DNAH7: variants seen among roughly 807,000 people sequenced by gnomAD.
DNAH7 encodes the protein dynein axonemal heavy chain 7.
DNAH7 carries 397 observed loss-of-function variants against 444.6 expected under a neutral mutation model. The ratio of observed to expected loss-of-function variants is 0.89; its 90% CI spans 0.82 to 0.97. The LOEUF (loss-of-function observed/expected upper bound fraction) is 0.97. Ranked by LOEUF, DNAH7 falls within the 50% of genes least tolerant of loss-of-function variation. The pLI is 0.00. For missense variants in DNAH7, 4,902 were observed against 4,800.8 expected (o/e 1.02, Z -0.62); for synonymous variants, 1,636 against 1,624.4 (o/e 1.01, Z -0.17).
At chr2:196,057,456 A>G (rs1241478044) in intron 2 of DNAH7, among the ~76,000 whole-genome samples, 3 of 152,242 alleles carry the variant, frequency 2.0e-5, no homozygotes, top group African/African-American at 7.2e-5. Context: ...CTTATAAACT[A>G]GAAACAAGAT....
At chr2:195,968,864 T>C (rs1369893693) in intron 17 of DNAH7, among the ~76,000 whole-genome samples, 1 of 152,184 alleles carries the variant, frequency 6.6e-6, no homozygotes, top group Non-Finnish European at 1.5e-5. Flanking sequence ...TGTGGGTAGG[T>C]GCCAGCTGAG....
At chr2:195,938,344 TCACA>T (rs68056425) in intron 19 of DNAH7, among the ~76,000 whole-genome samples, 6,631 of 134,134 alleles carry the variant, frequency 0.049, 174 homozygotes, top group African/African-American at 0.062. Context: ...AAATAGACAT[TCACA>T]CACACACACA....
intron 2 of DNAH7, among the ~76,000 whole-genome samples, chr2:196,053,318 G>A (rs1226140043): frequency 6.6e-6 from 1 of 152,240 alleles, no homozygotes; most frequent in Non-Finnish European, 1.5e-5. Context: ...AGCCACTGCA[G>A]TCTCCTTTTA....
At chr2:195,904,288 A>G (rs897872845) in intron 27 of DNAH7, 4 of 152,324 alleles carry the variant, frequency 2.6e-5, no homozygotes, top group African/African-American at 9.7e-5. Context: ...TGAACTGTAC[A>G]TATGTTTAGC....
At chr2:195,994,512 T>C in intron 12 of DNAH7, 1 of 489,368 alleles carries the variant, frequency 2.0e-6, no homozygotes, top group Non-Finnish European at 4.0e-6. Flanking sequence ...ATCCAAGTCG[T>C]TGGAATTGGG....
At chr2:195,872,167 G>C (rs879446815) in intron 40 of DNAH7, 83 bp downstream of exon 40, 4 of 1,109,246 alleles carry the variant, frequency 3.6e-6, no homozygotes, top group Non-Finnish European at 5.3e-6. Context: ...AATATAAATT[G>C]AAGAATATTC....
chr2:196,065,431 G>A (rs1040613438), intron 1 of DNAH7, among the ~76,000 whole-genome samples: 4 of 152,202 alleles, frequency 2.6e-5, no homozygotes, highest in African/African-American at 7.2e-5. Context: ...GAACTATGAA[G>A]ATTGCATCCA....
intron 19 of DNAH7, among the ~76,000 whole-genome samples, chr2:195,956,686 A>C (rs1482069337): frequency 2.0e-5 from 3 of 152,084 alleles, no homozygotes; most frequent in African/African-American, 7.2e-5. Context: ...TGAACAAAAA[A>C]CGTACTTTTT....
At chr2:195,964,968 T>C (rs2125547701) in intron 17 of DNAH7, among the ~76,000 whole-genome samples, 1 of 152,304 alleles carries the variant, frequency 6.6e-6, no homozygotes, top group South Asian at 2.1e-4. Flanking sequence ...CTTCTCTCAT[T>C]GGACTGCTGT....
At chr2:196,024,228 G>A (rs1695543963) in intron 8 of DNAH7, among the ~76,000 whole-genome samples, 1 of 152,042 alleles carries the variant, frequency 6.6e-6, no homozygotes, top group Admixed American at 6.6e-5. Flanking sequence ...ACCTCCTACT[G>A]GCAAACAACA....
At chr2:195,907,089 T>C in intron 25 of DNAH7, 80 bp from the exon 26 acceptor site, 2 of 1,089,130 alleles carry the variant, frequency 1.8e-6, no homozygotes, top group Admixed American at 2.4e-5. Context: ...CACCTGATCT[T>C]TTCAAGGATT....
intron 2 of DNAH7, among the ~76,000 whole-genome samples, chr2:196,054,429 G>C (rs1381492063): frequency 6.6e-6 from 1 of 152,096 alleles, no homozygotes; most frequent in Non-Finnish European, 1.5e-5. Flanking sequence ...GGCTGAGGAG[G>C]GAGGATTGCT....
At chr2:195,805,647 T>C (rs527570175) in intron 54 of DNAH7, among the ~76,000 whole-genome samples, 1 of 152,250 alleles carries the variant, frequency 6.6e-6, no homozygotes, top group South Asian at 2.1e-4. Context: ...AAAAATTATA[T>C]TTTACCATTG....
intron 51 of DNAH7, among the ~76,000 whole-genome samples, chr2:195,816,301 G>C (rs1442377408): frequency 6.6e-6 from 1 of 152,110 alleles, no homozygotes; most frequent in Non-Finnish European, 1.5e-5. Context: ...TCGTACAGGA[G>C]TCATATTTTA....
At chr2:195,984,832 G>T in intron 14 of DNAH7, 122 bp from the exon 15 acceptor site, 1 of 875,696 alleles carries the variant, frequency 1.1e-6, no homozygotes, top group Non-Finnish European at 1.7e-6. Flanking sequence ...TTAGCTATAT[G>T]ACATCTAATA....
intron 44 of DNAH7, among the ~76,000 whole-genome samples, chr2:195,856,200 T>G (rs1377809450): frequency 2.0e-5 from 3 of 152,158 alleles, no homozygotes; most frequent in South Asian, 2.1e-4. Context: ...AAAATAGACA[T>G]CAAATATACA....
At chr2:196,060,169 G>T (rs1698057555) in intron 1 of DNAH7, among the ~76,000 whole-genome samples, 1 of 152,142 alleles carries the variant, frequency 6.6e-6, no homozygotes. Flanking sequence ...AGTGAGCCAA[G>T]ATTGAGCCAC....
At chr2:195,927,220 G>A (rs533923943) in intron 21 of DNAH7, among the ~76,000 whole-genome samples, 31 of 152,224 alleles carry the variant, frequency 2.0e-4, no homozygotes, top group South Asian at 6.2e-4. Flanking sequence ...ACCAGCCATC[G>A]GTGGGAAACA....
At position 196,052,666 on chromosome 2, in the gene DNAH7, G is replaced by A. The variant is rs16844337; in HGVS notation, c.79-1417C>T. Among the ~76,000 whole-genome samples the A allele has an allele frequency of 1.7e-3, 260 of 152,326 alleles. 1 individual carries two copies. The highest frequency in any genetic ancestry group is 6.0e-3 in the African/African-American group (249 of 41,578). On this transcript the variant is annotated intron_variant, in intron 2 of 64. Coordinates refer to ENST00000312428, the MANE Select transcript of DNAH7 (RefSeq NM_018897.3). ...CTGCCTTCACAAAGCACACAGTCCA[G>A]TTAATATTAAAGACCATGTGCTTCC...
Sources: allele counts gnomAD v4.1 joint callset (sites outside exome capture counted in the v4.1 genomes callset), GRCh38; gene constraint gnomAD v4.1.1; transcripts MANE v1.5; gene names NCBI Gene and HGNC (gene_info 2026-07-23, HGNC 2026-07-21).